Variants in MDFIC2 observed in about 807,000 individuals in gnomAD.
MDFIC2 encodes the protein myoD family inhibitor domain-containing protein 2.
chr3:70,283,753 G>T (rs1051605059), intron 2 of MDFIC2: 2 of 148,102 alleles, frequency 1.4e-5, no homozygotes, highest in Non-Finnish European at 3.0e-5. Context: ...AGAATAAAGA[G>T]TATGTAATGC....
rs78160410 is a variant in MDFIC2, at chr3:70,295,781, T to G, written c.88+16105A>C. Among the ~76,000 whole-genome samples the G allele has an allele frequency of 1.9e-3, 294 of 152,342 alleles. 10 individuals carry two copies. In the East Asian group the frequency reaches 0.05, roughly 26 times the overall value. Reference sequence around the variant, plus strand: ...TTGATCTGTGATATCTTTTGATTCATGTTGAATGTGTTAGGCAAAGATGTT... The same window carrying G: ...TTGATCTGTGATATCTTTTGATTCAGGTTGAATGTGTTAGGCAAAGATGTT... On this transcript the variant is annotated intron_variant, in intron 2 of 3. Coordinates refer to ENST00000567252, the MANE Select transcript of MDFIC2 (RefSeq NM_001364677.1).
chr3:70,214,289 C>T (rs1429188260), intron 2 of MDFIC2, among the ~76,000 whole-genome samples: 2 of 152,054 alleles, frequency 1.3e-5, no homozygotes, highest in East Asian at 1.9e-4. Flanking sequence ...AAGTCACAGT[C>T]GTATAAATCG....
At chr3:70,206,025 T>C (rs2106723936) in intron 3 of MDFIC2, 1 of 152,102 alleles carries the variant, frequency 6.6e-6, no homozygotes, top group South Asian at 2.1e-4. Context: ...CTTTATGTCA[T>C]ATATAGGGAT....
intron 2 of MDFIC2, among the ~76,000 whole-genome samples, chr3:70,290,507 CT>C (rs1431298930): frequency 6.6e-5 from 10 of 152,218 alleles, no homozygotes; most frequent in Non-Finnish European, 8.8e-5. Context: ...TTATGGCTGT[CT>C]TTTTGTTTGT....
intron 2 of MDFIC2, among the ~76,000 whole-genome samples, chr3:70,250,655 C>T (rs1006301479): frequency 6.6e-6 from 1 of 152,158 alleles, no homozygotes; most frequent in Non-Finnish European, 1.5e-5. Flanking sequence ...GTTTTTATTT[C>T]ACAAAAATTT....
At position 70,203,641 on chromosome 3, in the gene MDFIC2, T is replaced by G. The variant is rs560233540; in HGVS notation, c.310+2928A>C. ...GGTGACACTGGTGCATTTAATTGTA[T>G]GAAATTTACAGTGTAGAAAATGTAA... On this transcript the variant is annotated intron_variant, in intron 3 of 3. Transcript: ENST00000567252. Among the ~76,000 whole-genome samples, 226 of 152,302 alleles carry G rather than the reference T, an allele frequency of 1.5e-3. 2 individuals carry two copies. Among genetic ancestry groups the G allele is most frequent in the Non-Finnish European group, 1.0e-3 (70 of 68,012 alleles).
In MDFIC2 at chr3:70,195,627, CA is replaced by C. The variant is rs1201865026; in HGVS notation, c.*1298del. 6.6e-6 allele frequency among the ~76,000 whole-genome samples: 1 copy of C among 152,080 alleles called. No individual in the cohort carries two copies. Among genetic ancestry groups the C allele is most frequent in the Admixed American group, 6.5e-5 (1 of 15,270 alleles). ...TGTTGCTGTTTCCCTAAATTACACA[CA>C]AAAAAATTCCCTCAATTCTCCATTT... On this transcript the variant is annotated 3_prime_UTR_variant, in exon 4 of 4. Transcript: ENST00000567252.
chr3:70,305,677 A>G (rs1212833684), intron 2 of MDFIC2, among the ~76,000 whole-genome samples: 4 of 152,252 alleles, frequency 2.6e-5, no homozygotes, highest in African/African-American at 9.6e-5. Context: ...TGCATATTTC[A>G]GAATTCTATT....
chr3:70,211,906 T>TCCTTTGTCCTTTCCTTC (rs1701354897), intron 2 of MDFIC2, among the ~76,000 whole-genome samples: 1 of 151,450 alleles, frequency 6.6e-6, no homozygotes, highest in South Asian at 2.1e-4. Context: ...TCCTTTCCTT[T>TCCTTTGTCCTTTCCTTC]CCTTTGTCCT....
intron 2 of MDFIC2, among the ~76,000 whole-genome samples, chr3:70,286,326 C>T (rs1319187535): frequency 6.6e-6 from 1 of 152,114 alleles, no homozygotes; most frequent in Admixed American, 6.6e-5. Context: ...ATCCTTTCCC[C>T]ATTTCTTGTT....
intron 2 of MDFIC2, among the ~76,000 whole-genome samples, chr3:70,265,140 G>A (rs1465626162): frequency 6.6e-6 from 1 of 152,168 alleles, no homozygotes. Flanking sequence ...GGGAATTATG[G>A]GAGCTACAAT....
intron 3 of MDFIC2, among the ~76,000 whole-genome samples, chr3:70,203,189 A>G (rs1701258036): frequency 6.6e-6 from 1 of 152,130 alleles, no homozygotes. Flanking sequence ...AAAAGAAAAG[A>G]GCCAGCATGA....
chr3:70,311,585 C>T (rs1702453515), intron 2 of MDFIC2, among the ~76,000 whole-genome samples: 1 of 152,114 alleles, frequency 6.6e-6, no homozygotes, highest in South Asian at 2.1e-4. Flanking sequence ...GAAAAATCTA[C>T]AGCACTGCAA....
intron 2 of MDFIC2, among the ~76,000 whole-genome samples, chr3:70,298,275 C>G (rs1469414833): frequency 3.3e-5 from 5 of 152,016 alleles, no homozygotes; most frequent in Admixed American, 6.6e-5. Flanking sequence ...TTTCCCCACA[C>G]TTTGATGTGA....
chr3:70,207,438 G>A (rs1701303373), intron 2 of MDFIC2, among the ~76,000 whole-genome samples: 1 of 151,996 alleles, frequency 6.6e-6, no homozygotes, highest in Non-Finnish European at 1.5e-5. Context: ...TGGCACAATA[G>A]CTAGAGATGT....
At chr3:70,216,650 A>G (rs1701415028) in intron 2 of MDFIC2, among the ~76,000 whole-genome samples, 1 of 152,140 alleles carries the variant, frequency 6.6e-6, no homozygotes, top group South Asian at 2.1e-4. Context: ...TTACCGTTGT[A>G]TAGTAACCAT....
intron 2 of MDFIC2, among the ~76,000 whole-genome samples, chr3:70,212,874 G>A (rs1343214435): frequency 1.3e-5 from 2 of 151,946 alleles, no homozygotes; most frequent in Non-Finnish European, 2.9e-5. Flanking sequence ...GTTCACTGCA[G>A]CTTCAACCTC....
intron 2 of MDFIC2, among the ~76,000 whole-genome samples, chr3:70,216,586 T>C (rs868208286): frequency 3.9e-5 from 6 of 152,102 alleles, no homozygotes; most frequent in Middle Eastern, 3.2e-3. Flanking sequence ...GGCTATACTA[T>C]CTAGATAGAG....
intron 2 of MDFIC2, among the ~76,000 whole-genome samples, chr3:70,239,189 T>C (rs981989700): frequency 2.0e-5 from 3 of 152,220 alleles, no homozygotes; most frequent in Non-Finnish European, 4.4e-5. Flanking sequence ...GTATGTTATG[T>C]TGAGTACGTA....
Sources: gnomAD v4.1 joint callset for allele counts (sites outside exome capture counted in the v4.1 genomes callset) on GRCh38, gnomAD v4.1.1 for gene constraint, MANE v1.5 for transcripts, NCBI Gene and HGNC (gene_info 2026-07-23, HGNC 2026-07-21) for gene names.